CNTNAP2: variants seen among roughly 807,000 people sequenced by gnomAD.
CNTNAP2 encodes the protein contactin-associated protein-like 2.
A neutral mutation model predicts 155.2 loss-of-function variants in CNTNAP2; 98 were observed. That is an observed-to-expected ratio of 0.63 (90% CI 0.54 to 0.75). The LOEUF is 0.75. Ranked by LOEUF, CNTNAP2 falls within the 30% of genes least tolerant of loss-of-function variation. The pLI is 0.00. For synonymous variants in CNTNAP2, 651 were observed against 631.2 expected (o/e 1.03, Z -0.47); for missense variants, 1,727 against 1,688.1 (o/e 1.02, Z -0.40).
intron 1 of CNTNAP2, among the ~76,000 whole-genome samples, chr7:146,770,632 A>G (rs1014775165): frequency 6.6e-6 from 1 of 151,856 alleles, no homozygotes; most frequent in African/African-American, 2.4e-5. Flanking sequence ...GAATAATTAT[A>G]TAATTTTTTC....
chr7:147,083,018 T>C (rs1800169412), intron 4 of CNTNAP2: 1 of 152,166 alleles, frequency 6.6e-6, no homozygotes, highest in East Asian at 1.9e-4. Flanking sequence ...CCAAAGGTGT[T>C]CTCAGCACGC....
At chr7:147,553,587 C>A (rs957997668) in intron 11 of CNTNAP2, among the ~76,000 whole-genome samples, 1 of 152,112 alleles carries the variant, frequency 6.6e-6, no homozygotes, top group South Asian at 2.1e-4. Flanking sequence ...TATTACATAG[C>A]AAATTCCCCA....
chr7:147,344,517 G>T (rs769951431), intron 9 of CNTNAP2, among the ~76,000 whole-genome samples: 4 of 152,170 alleles, frequency 2.6e-5, no homozygotes, highest in Non-Finnish European at 5.9e-5. Context: ...AGAGAAGCTT[G>T]TGTGGCACAA....
intron 1 of CNTNAP2, among the ~76,000 whole-genome samples, chr7:146,298,727 T>G (rs968913962): frequency 6.6e-6 from 1 of 152,170 alleles, no homozygotes; most frequent in African/African-American, 2.4e-5. Flanking sequence ...CTGGAGAAAG[T>G]AGATTACAGT....
intron 11 of CNTNAP2, among the ~76,000 whole-genome samples, chr7:147,519,446 A>G (rs1799192652): frequency 6.6e-6 from 1 of 152,232 alleles, no homozygotes; most frequent in East Asian, 1.9e-4. Flanking sequence ...TCACATCTGC[A>G]AAATCCCTTT....
At chr7:146,714,150 AT>A (rs1801147297) in intron 1 of CNTNAP2, among the ~76,000 whole-genome samples, 1 of 152,178 alleles carries the variant, frequency 6.6e-6, no homozygotes, top group Admixed American at 6.6e-5. Context: ...TCCGTGACGC[AT>A]GATCATGGCT....
chr7:148,122,867 A>AAAAAAAAAAAAAG (rs543029148), intron 16 of CNTNAP2, among the ~76,000 whole-genome samples: 11 of 150,714 alleles, frequency 7.3e-5, no homozygotes, highest in African/African-American at 2.7e-4. Context: ...AAAAAAAAAG[A>AAAAAAAAAAAAAG]AAAAAAAAGA....
At chr7:147,259,942 G>C (rs1368048420) in intron 8 of CNTNAP2, among the ~76,000 whole-genome samples, 1 of 152,134 alleles carries the variant, frequency 6.6e-6, no homozygotes, top group Non-Finnish European at 1.5e-5. Context: ...AGTGCTTATA[G>C]CTGTAACTGA....
At chr7:146,357,916 G>GC (rs1324515419) in intron 1 of CNTNAP2, among the ~76,000 whole-genome samples, 1 of 140,044 alleles carries the variant, frequency 7.1e-6, no homozygotes, top group Non-Finnish European at 1.5e-5. Flanking sequence ...AATGCACCCC[G>GC]CCCCCCGCCA....
intron 12 of CNTNAP2, among the ~76,000 whole-genome samples, chr7:147,605,586 G>T (rs1404197586): frequency 6.6e-6 from 1 of 152,122 alleles, no homozygotes; most frequent in Non-Finnish European, 1.5e-5. Context: ...TCTGGGCATG[G>T]TGTCCGCCCT....
chr7:147,246,062 T>C (rs1227036679), intron 8 of CNTNAP2, among the ~76,000 whole-genome samples: 1 of 149,570 alleles, frequency 6.7e-6, no homozygotes. Context: ...TATACACATA[T>C]ATATGGCATA....
At chr7:148,258,482 T>C (rs113410262) in intron 20 of CNTNAP2, among the ~76,000 whole-genome samples, 1 of 152,170 alleles carries the variant, frequency 6.6e-6, no homozygotes, top group Admixed American at 6.5e-5. Context: ...TGTTCGTATT[T>C]TCAATTGCAA....
At chr7:147,992,611 C>T (rs1218165442) in intron 15 of CNTNAP2, among the ~76,000 whole-genome samples, 1 of 152,150 alleles carries the variant, frequency 6.6e-6, no homozygotes, top group Non-Finnish European at 1.5e-5. Context: ...GCCAATTGTG[C>T]TAAAGTAAAT....
chr7:147,441,848 T>TCTCTCTCC (rs1554485020), intron 10 of CNTNAP2, among the ~76,000 whole-genome samples: 1 of 114,378 alleles, frequency 8.7e-6, no homozygotes, highest in Non-Finnish European at 2.0e-5. Context: ...TCTCTCTCTC[T>TCTCTCTCC]CTCCCTCCCT....
intron 1 of CNTNAP2, among the ~76,000 whole-genome samples, chr7:146,758,305 G>A (rs567079505): frequency 6.6e-6 from 1 of 151,996 alleles, no homozygotes; most frequent in African/African-American, 2.4e-5. Flanking sequence ...CCTTTAAATT[G>A]TGAAAATCTC....
In CNTNAP2 at chr7:146,615,579, C is replaced by T. The variant is rs147243436; in HGVS notation, c.98-158692C>T. ...GACTCACCCATATCTCATCAACACA[C>T]ATCACTCTTGTGCATTCCAACTGGA... is the stretch of plus-strand genomic sequence containing the variant. On this transcript the variant is annotated intron_variant, in intron 1 of 23. Transcript: ENST00000361727. Among the ~76,000 whole-genome samples, 397 of 152,316 alleles carry T rather than the reference C, an allele frequency of 2.6e-3. 2 individuals are homozygous for T. Among genetic ancestry groups the T allele is most frequent in the African/African-American group, 9.1e-3 (380 of 41,562 alleles).
At chr7:147,588,003 A>G (rs767240132) in intron 12 of CNTNAP2, among the ~76,000 whole-genome samples, 3 of 152,170 alleles carry the variant, frequency 2.0e-5, no homozygotes, top group Non-Finnish European at 4.4e-5. Flanking sequence ...AAATGAGACA[A>G]TTGATCTAGA....
Position 148,417,921 on chromosome 7 carries a change from A to AAAT in CNTNAP2, c.*2306_*2308dup, listed in dbSNP as rs1296724229. The stretch of plus-strand genomic sequence containing the variant: ...TCCTTTTCCTGCCACAAAAGGTGAA[A>AAAT]AATGAGATCCAATCCTCTCACCAAA... On this transcript the variant is annotated 3_prime_UTR_variant, in exon 24 of 24. Coordinates refer to ENST00000361727, the MANE Select transcript of CNTNAP2 (RefSeq NM_014141.6). 2 of 152,268 alleles carry AAAT rather than the reference A, an allele frequency of 1.3e-5. No homozygotes were observed. The highest frequency in any genetic ancestry group is 4.8e-5 in the African/African-American group (2 of 41,466). 9.4% of individuals were successfully genotyped at this position (152,268 alleles called of 1,614,324 possible).
chr7:147,715,557 T>C (rs1188267165), intron 13 of CNTNAP2, among the ~76,000 whole-genome samples: 1 of 152,134 alleles, frequency 6.6e-6, no homozygotes, highest in Non-Finnish European at 1.5e-5. Context: ...GTTTTTTTAG[T>C]ATTGAAATTG....
Sources: gnomAD v4.1 joint callset for allele counts (sites outside exome capture counted in the v4.1 genomes callset) on GRCh38, gnomAD v4.1.1 for gene constraint, MANE v1.5 for transcripts, NCBI Gene and HGNC (gene_info 2026-07-23, HGNC 2026-07-21) for gene names.